Variants in EFCAB6 observed in about 807,000 individuals in gnomAD.
EFCAB6 encodes the protein EF-hand calcium binding domain 6.
EFCAB6 carries 156 observed loss-of-function variants against 169.8 expected under a neutral mutation model. The observed-to-expected ratio is 0.92, with a 90% CI of 0.81 to 1.05. The LOEUF (loss-of-function observed/expected upper bound fraction) is 1.05. Ranked by LOEUF, EFCAB6 falls within the 50% of genes least tolerant of loss-of-function variation. The pLI, the probability that EFCAB6 is intolerant of heterozygous loss-of-function variation, is 0.00. For synonymous variants in EFCAB6, 698 were observed against 676.4 expected (o/e 1.03, Z -0.50); for missense variants, 1,800 against 1,829.1 (o/e 0.98, Z 0.29).
At chr22:43,612,776 C>T (rs1407271709) in intron 21 of EFCAB6, among the ~76,000 whole-genome samples, 1 of 152,008 alleles carries the variant, frequency 6.6e-6, no homozygotes, top group African/African-American at 2.4e-5. Flanking sequence ...CACCTGTAGT[C>T]CGAGCTACTC....
chr22:43,539,142 G>T (rs915240651), intron 28 of EFCAB6, among the ~76,000 whole-genome samples: 1 of 149,010 alleles, frequency 6.7e-6, no homozygotes, highest in Non-Finnish European at 1.5e-5. Flanking sequence ...CTTACTCCAG[G>T]ATACTCTCCC....
chr22:43,746,589 G>A (rs970616739), intron 6 of EFCAB6, among the ~76,000 whole-genome samples: 1 of 152,138 alleles, frequency 6.6e-6, no homozygotes. Flanking sequence ...GCTATGAAAA[G>A]GTGCCCCGTC....
chr22:43,776,269 G>A (rs1195185887), intron 3 of EFCAB6, among the ~76,000 whole-genome samples: 2 of 152,190 alleles, frequency 1.3e-5, no homozygotes, highest in African/African-American at 2.4e-5. Context: ...ACACTGACTT[G>A]TAAGGAAGTG....
intron 8 of EFCAB6, among the ~76,000 whole-genome samples, chr22:43,725,291 G>T (rs146002250): frequency 0.014 from 2,068 of 152,142 alleles, 56 homozygotes; most frequent in African/African-American, 0.048. Context: ...ACAGGCATGC[G>T]CCACCACGCC....
intron 19 of EFCAB6, among the ~76,000 whole-genome samples, chr22:43,629,652 G>C (rs894964461): frequency 6.6e-6 from 1 of 152,168 alleles, no homozygotes; most frequent in Non-Finnish European, 1.5e-5. Context: ...GAGGAGAGAG[G>C]GGAATGTGCA....
At chr22:43,674,650 C>G (rs1014208) in intron 13 of EFCAB6, among the ~76,000 whole-genome samples, 1 of 152,056 alleles carries the variant, frequency 6.6e-6, no homozygotes, top group Non-Finnish European at 1.5e-5. Flanking sequence ...CCACTTGCCA[C>G]GTAGAGAAGG....
chr22:43,777,323 G>A (rs1373209760), intron 3 of EFCAB6, among the ~76,000 whole-genome samples: 1 of 152,184 alleles, frequency 6.6e-6, no homozygotes, highest in Non-Finnish European at 1.5e-5. Flanking sequence ...TAGTGGGGAA[G>A]TGAGGATGGA....
At chr22:43,800,197 G>A (rs989577844) in intron 2 of EFCAB6, among the ~76,000 whole-genome samples, 7 of 152,240 alleles carry the variant, frequency 4.6e-5, no homozygotes, top group South Asian at 2.1e-4. Context: ...ACCTTCCCAC[G>A]CTGCTGGGAC....
chr22:43,740,170 C>G (rs1422092676), intron 6 of EFCAB6, among the ~76,000 whole-genome samples: 1 of 152,216 alleles, frequency 6.6e-6, no homozygotes, highest in Non-Finnish European at 1.5e-5. Context: ...GGTCTTGGCC[C>G]AGAAACGCCC....
At chr22:43,575,179 T>TGTG (rs921525917) in intron 26 of EFCAB6, among the ~76,000 whole-genome samples, 14 of 141,888 alleles carry the variant, frequency 9.9e-5, no homozygotes, top group African/African-American at 3.2e-4. Context: ...CTGTTTTTGT[T>TGTG]GTTGTTGTTG....
Position 43,683,747 on chromosome 22 carries a change from A to G in EFCAB6, c.1251T>C (p.Thr417=). The G allele has an allele frequency of 6.3e-7, 1 of 1,598,316 alleles. No individual in the cohort carries two copies. The highest frequency in any genetic ancestry group is 8.6e-7 in the Non-Finnish European group (1 of 1,165,586). ...SLKKALLIIN[T]KPDGPITREE... is the part of the protein sequence containing the mutation. ...CAAGAGAAGGCTTTCAAAATCTTAC[A>G]GTGTTGATTATCAGTAATGCTTTCT... The change falls in exon 12 of 32, where the codon ACT becomes ACC. Residue 417 remains threonine, a splice_region_variant and synonymous_variant. Transcript: ENST00000262726.
intron 21 of EFCAB6, among the ~76,000 whole-genome samples, chr22:43,613,615 TGGAGGGGGAAA>T (rs2053477309): frequency 6.6e-6 from 1 of 150,474 alleles, no homozygotes; most frequent in African/African-American, 2.5e-5. Flanking sequence ...TACTTGAGGG[TGGAGGGGGAAA>T]GGAGGGGGAG....
intron 26 of EFCAB6, among the ~76,000 whole-genome samples, chr22:43,567,137 T>TCACCATCCTCCTCGTCCTCCC (rs2049495808): frequency 7.1e-6 from 1 of 140,746 alleles, no homozygotes; most frequent in Non-Finnish European, 1.6e-5. Flanking sequence ...CTCGTCCTCC[T>TCACCATCCTCCTCGTCCTCCC]CATCATCCTC....
intron 2 of EFCAB6, among the ~76,000 whole-genome samples, chr22:43,784,739 T>C (rs969692788): frequency 1.4e-5 from 2 of 141,594 alleles, no homozygotes; most frequent in Non-Finnish European, 3.0e-5. Flanking sequence ...ATGCCAGGCA[T>C]GGTGGCATGC....
At chr22:43,789,387 G>T (rs549203186) in intron 2 of EFCAB6, among the ~76,000 whole-genome samples, 20 of 152,138 alleles carry the variant, frequency 1.3e-4, no homozygotes, top group Non-Finnish European at 2.9e-4. Context: ...CGTTGCTTCC[G>T]TGGGCACCTT....
intron 2 of EFCAB6, among the ~76,000 whole-genome samples, chr22:43,784,656 T>TAC (rs2061998690): frequency 1.0e-5 from 1 of 96,628 alleles, no homozygotes; most frequent in Non-Finnish European, 2.0e-5. Context: ...TATATATGTG[T>TAC]ATATATACAT....
At chr22:43,796,383 C>T (rs764251656) in intron 2 of EFCAB6, among the ~76,000 whole-genome samples, 13 of 152,148 alleles carry the variant, frequency 8.5e-5, no homozygotes, top group Non-Finnish European at 1.5e-4. Context: ...TATTAGTTTA[C>T]ACTAGCATGA....
Position 43,626,360 on chromosome 22 carries a change from C to A in EFCAB6, c.2465+87G>T, listed in dbSNP as rs145021056. On this transcript the variant is annotated intron_variant, in intron 20 of 31. Coordinates refer to ENST00000262726, the MANE Select transcript of EFCAB6 (RefSeq NM_022785.4). ...AAAATAATCACTCCATTCTTTGTAT[C>A]CCTTTGCGGACGCCATGGAAATGCT... 2.0e-4 allele frequency: 260 copies of A among 1,270,290 alleles called. 1 individual carries two copies. The Middle Eastern group carries it at 4.2e-3, about 21-fold the overall frequency. 78.7% of individuals were successfully genotyped at this position (1,270,290 alleles called of 1,614,324 possible).
chr22:43,592,620 G>T (rs946666101), intron 23 of EFCAB6, among the ~76,000 whole-genome samples: 1 of 152,168 alleles, frequency 6.6e-6, no homozygotes, highest in Admixed American at 6.5e-5. Flanking sequence ...GGTGTCAGCC[G>T]ACACTCCGTG....
Sources: gnomAD v4.1 joint callset for allele counts (sites outside exome capture counted in the v4.1 genomes callset) on GRCh38, gnomAD v4.1.1 for gene constraint, MANE v1.5 for transcripts, NCBI Gene and HGNC (gene_info 2026-07-23, HGNC 2026-07-21) for gene names.